WDR4: variants seen among roughly 807,000 people sequenced by gnomAD.
The protein encoded by WDR4 is tRNA (guanine-N(7)-)-methyltransferase non-catalytic subunit WDR4.
Under a neutral mutation model 48.6 loss-of-function variants are expected in WDR4, and 47 were observed. The ratio of observed to expected loss-of-function variants is 0.97; its 90% confidence interval spans 0.77 to 1.23. WDR4 has a LOEUF of 1.23. Among genes scored for constraint, WDR4 ranks in the 50% most tolerant of loss-of-function variants. WDR4 has a pLI of 0.00. For missense variants in WDR4, 606 were observed against 551.6 expected (o/e 1.10, Z -0.99); for synonymous variants, 268 against 230.0 (o/e 1.17, Z -1.49).
At chr21:42,853,067 G>A (rs1011218912) in intron 9 of WDR4, among the ~76,000 whole-genome samples, 5 of 152,132 alleles carry the variant, frequency 3.3e-5, no homozygotes, top group Admixed American at 6.5e-5. Context: ...TACAGGGTTC[G>A]CCCCGTCCCC....
rs1372079171 is a variant in WDR4, at chr21:42,862,395, C to G, written c.454-1G>C. On this transcript the variant is annotated splice_acceptor_variant, in intron 4 of 10. Transcript: ENST00000398208. LOFTEE classifies it high-confidence loss of function. This position sits in a 1 kb window ranked among gnomAD's most constrained non-coding sequence, Gnocchi z 4.3. Reference sequence around the variant, plus strand: ...TGAAGCGGTCATCAGGACTCACAGCCTGCATCACCAGGGGCCAGAAAAGAA... The same window carrying G: ...TGAAGCGGTCATCAGGACTCACAGCGTGCATCACCAGGGGCCAGAAAAGAA... 17 of 1,601,528 alleles carry G rather than the reference C, an allele frequency of 1.1e-5. No individual in the cohort carries two copies. The highest frequency in any genetic ancestry group is 1.4e-5 in the Non-Finnish European group (17 of 1,173,898).
intron 1 of WDR4, among the ~76,000 whole-genome samples, chr21:42,877,655 G>GA (rs564544510): frequency 4.0e-5 from 6 of 151,564 alleles, no homozygotes; most frequent in Admixed American, 2.6e-4. Context: ...AGTTCTGTGG[G>GA]AAAAAAAAGT....
chr21:42,862,140 T>G lies in WDR4; in HGVS notation c.566+142A>C. 1.4e-6 allele frequency: 1 copy of G among 690,156 alleles called. No homozygotes were observed. The highest frequency in any genetic ancestry group is 2.7e-5 in the East Asian group (1 of 36,560). 42.8% of individuals were successfully genotyped at this position (690,156 alleles called of 1,614,324 possible). A position where few individuals can be genotyped will look rare whatever the true frequency, so the allele number is the denominator to read the frequency against. Reference sequence around the variant, plus strand: ...CTTCTGCAGGCAGCACCACGGCGCCTGCAGTGACCAAACACCAAGCACGGG... The same window carrying G: ...CTTCTGCAGGCAGCACCACGGCGCCGGCAGTGACCAAACACCAAGCACGGG... On this transcript the variant is annotated intron_variant, in intron 5 of 10. Transcript: ENST00000398208. This position sits in a 1 kb window ranked among gnomAD's most constrained non-coding sequence, Gnocchi z 4.3.
rs377417063 is a variant in WDR4 at position 42,873,702 on chromosome 21, G to C, written c.156-11C>G. On this transcript the variant is annotated splice_polypyrimidine_tract_variant and intron_variant, in intron 2 of 10. Coordinates refer to ENST00000398208, the MANE Select transcript of WDR4 (RefSeq NM_018669.6). ...AAGGGCGCGTCCTCCCTGAGGAAGA[G>C]AGGAGGAAGACGGTTAAGCTTCACC... 3.7e-6 allele frequency: 6 copies of C among 1,612,172 alleles called. No individual in the cohort carries two copies. Among genetic ancestry groups the C allele is most frequent in the Non-Finnish European group, 5.1e-6 (6 of 1,178,866 alleles).
At chr21:42,882,616 C>T (rs2058616539), upstream of WDR4, among the ~76,000 whole-genome samples, 1 of 151,944 alleles carries the variant, frequency 6.6e-6, no homozygotes, top group Non-Finnish European at 1.5e-5. Flanking sequence ...CTAGTCCTGT[C>T]CTGAGCAAAA....
chr21:42,869,109 C>CA (rs1392890423), intron 3 of WDR4, among the ~76,000 whole-genome samples: 2 of 152,160 alleles, frequency 1.3e-5, no homozygotes, highest in African/African-American at 4.8e-5. Flanking sequence ...GGCCTGGCCC[C>CA]AGTGCTCATC....
chr21:42,868,686 G>T (rs922145907), intron 3 of WDR4, among the ~76,000 whole-genome samples: 1 of 152,258 alleles, frequency 6.6e-6, no homozygotes, highest in Admixed American at 6.5e-5. Context: ...TTAGGGCAGG[G>T]GCCTGGGGCC....
chr21:42,871,536 T>C (rs1601169303), intron 3 of WDR4, among the ~76,000 whole-genome samples: 1 of 152,242 alleles, frequency 6.6e-6, no homozygotes, highest in Admixed American at 6.5e-5. Flanking sequence ...GACTTACTCA[T>C]GTGGCTATCT....
rs532155318 is a variant in WDR4, at chr21:42,853,580, C to T, written c.964G>A (p.Asp322Asn). 2.3e-5 allele frequency: 37 copies of T among 1,608,540 alleles called. No individual in the cohort carries two copies. The highest frequency in any genetic ancestry group is 1.7e-4 in the Middle Eastern group (1 of 5,992). ...GTGCCGAGTCTCACCTGCCACTGGTCGCCCACAGGCCTGTAGAGCACCAGG... is the reference window on the plus strand; with the variant it reads ...GTGCCGAGTCTCACCTGCCACTGGTTGCCCACAGGCCTGTAGAGCACCAGG... ...APLVLYRPVG[D>N]QWQSVPESTV... The change falls in exon 9 of 11, where the codon GAC (aspartate) becomes AAC (asparagine). Residue 322 changes from aspartate (D) to asparagine (N), a missense_variant. Coordinates refer to ENST00000398208, the MANE Select transcript of WDR4 (RefSeq NM_018669.6).
At chr21:42,845,031 C>T (rs187743699), downstream of WDR4, among the ~76,000 whole-genome samples, 14 of 152,328 alleles carry the variant, frequency 9.2e-5, no homozygotes, top group East Asian at 7.7e-4. Flanking sequence ...CAGGGTCACA[C>T]GGCAGGGCTG....
At chr21:42,863,262 G>A (rs758336898) in intron 4 of WDR4, among the ~76,000 whole-genome samples, 178 bp downstream of exon 4, 6 of 152,210 alleles carry the variant, frequency 3.9e-5, no homozygotes, top group African/African-American at 7.2e-5. Flanking sequence ...CCGGGCAGAC[G>A]TTGATTCAGC....
intron 6 of WDR4, 31 bp from the exon 7 acceptor site, chr21:42,855,811 T>C (rs1299170194): frequency 2.0e-6 from 3 of 1,510,552 alleles, no homozygotes; most frequent in Admixed American, 4.1e-5. Flanking sequence ...GGTTAGCACA[T>C]GGTTGTGGGG....
downstream of WDR4, among the ~76,000 whole-genome samples, chr21:42,845,460 A>G (rs888640772): frequency 7.9e-5 from 12 of 152,246 alleles, no homozygotes; most frequent in Non-Finnish European, 1.8e-4. Flanking sequence ...GTTCTCTGCC[A>G]TGGTAACCTT....
At chr21:42,878,426 T>C (rs2058550098) in intron 1 of WDR4, among the ~76,000 whole-genome samples, 1 of 152,232 alleles carries the variant, frequency 6.6e-6, no homozygotes, top group South Asian at 2.1e-4. Flanking sequence ...CAGCTCACTC[T>C]GGCAGATATT....
chr21:42,872,241 G>A (rs537538001), intron 3 of WDR4, among the ~76,000 whole-genome samples: 11 of 152,044 alleles, frequency 7.2e-5, no homozygotes, highest in South Asian at 6.2e-4. Context: ...CGCCTGCCTC[G>A]GCCTCCCAAA....
rs76108093 is a variant in WDR4 at position 42,850,665 on chromosome 21, G to A, written c.1046-423C>T. Reference sequence around the variant, plus strand: ...CCGACAACCCAGACTGAGTGAAGTCGGGCCCTGCCTGGTGAAGCTGAGATG... The same window carrying A: ...CCGACAACCCAGACTGAGTGAAGTCAGGCCCTGCCTGGTGAAGCTGAGATG... On this transcript the variant is annotated intron_variant, in intron 10 of 10. Transcript: ENST00000398208. 3.0e-4 allele frequency among the ~76,000 whole-genome samples: 45 copies of A among 152,236 alleles called. 1 individual carries two copies. The East Asian group carries it at 8.1e-3, about 27-fold the overall frequency.
chr21:42,890,081 G>GA, the WDR4 span, among the ~76,000 whole-genome samples: 3 of 151,454 alleles, frequency 2.0e-5, no homozygotes, highest in Non-Finnish European at 4.4e-5. Flanking sequence ...GAACCTAAAA[G>GA]AAAAAAATAT....
chr21:42,887,294 ATTTTT>A, the WDR4 span, among the ~76,000 whole-genome samples: 3,043 of 141,286 alleles, frequency 0.022, 92 homozygotes, highest in African/African-American at 0.074. Context: ...GCCTGGCCTA[ATTTTT>A]TTTTTTTTTT....
At position 42,873,577 on chromosome 21, in the gene WDR4, T is replaced by C; in HGVS notation, c.270A>G (p.Thr90=). ...DDSKRLILFR[T]KPWQCLSVRT... is the part of the protein sequence containing the mutation. ...TGACACTCAGACATTGCCATGGTTTTGTACGGAAAAGAATCAGACGCTTAC... is the reference window on the plus strand; with the variant it reads ...TGACACTCAGACATTGCCATGGTTTCGTACGGAAAAGAATCAGACGCTTAC... Residue 90 remains threonine, a synonymous_variant, in exon 3 of 11, where the codon ACA becomes ACG. Coordinates refer to ENST00000398208, the MANE Select transcript of WDR4 (RefSeq NM_018669.6). 1 of 1,614,196 alleles carries C rather than the reference T, an allele frequency of 6.2e-7. No homozygotes were observed. Among genetic ancestry groups the C allele is most frequent in the South Asian group, 1.1e-5 (1 of 91,082 alleles).
Sources: allele counts gnomAD v4.1 joint callset (sites outside exome capture counted in the v4.1 genomes callset), GRCh38; gene constraint gnomAD v4.1.1; non-coding constraint Gnocchi (gnomAD v3.1); transcripts MANE v1.5; gene names NCBI Gene and HGNC (gene_info 2026-07-23, HGNC 2026-07-21).